RPS6KC1: variants seen among roughly 807,000 people sequenced by gnomAD.
RPS6KC1 encodes inactive ribosomal protein S6 kinase delta-1.
In RPS6KC1, 54 loss-of-function variants were observed where a neutral mutation model predicts 103.8. The observed-to-expected ratio is 0.52, with a 90% CI of 0.42 to 0.65. The LOEUF (loss-of-function observed/expected upper bound fraction) is 0.65. Among genes scored for constraint, RPS6KC1 ranks in the 30% least tolerant of loss-of-function variants. The pLI is 0.00. For synonymous variants in RPS6KC1, 439 were observed against 438.7 expected (o/e 1.00, Z -0.01); for missense variants, 1,151 against 1,253.8 (o/e 0.92, Z 1.24).
the RPS6KC1 span, among the ~76,000 whole-genome samples, chr1:213,782,224 AG>A: frequency 2.6e-5 from 4 of 152,194 alleles, no homozygotes; most frequent in Non-Finnish European, 5.9e-5. Context: ...AGGGGCAGAA[AG>A]GATGGACTAG....
At chr1:213,322,331 C>T in the RPS6KC1 span, among the ~76,000 whole-genome samples, 1 of 151,936 alleles carries the variant, frequency 6.6e-6, no homozygotes, top group Non-Finnish European at 1.5e-5. Context: ...TCAGGTAGGC[C>T]CAAGTGGGAG....
chr1:213,095,803 A>G (rs542529487), intron 3 of RPS6KC1, among the ~76,000 whole-genome samples: 16 of 152,318 alleles, frequency 1.1e-4, no homozygotes, highest in Admixed American at 3.9e-4. Context: ...AAGAAATACT[A>G]TATTGCTAAA....
chr1:213,392,213 G>T, the RPS6KC1 span, among the ~76,000 whole-genome samples: 1 of 152,094 alleles, frequency 6.6e-6, no homozygotes, highest in Non-Finnish European at 1.5e-5. Context: ...CAGCAGAACC[G>T]ATGGTCTGCT....
At chr1:213,310,770 T>C in the RPS6KC1 span, among the ~76,000 whole-genome samples, 2 of 152,180 alleles carry the variant, frequency 1.3e-5, no homozygotes, top group Non-Finnish European at 2.9e-5. Context: ...AATGAATAAA[T>C]TTTGTTATGT....
At chr1:213,285,466 G>C in the RPS6KC1 span, among the ~76,000 whole-genome samples, 7 of 152,154 alleles carry the variant, frequency 4.6e-5, no homozygotes, top group Non-Finnish European at 8.8e-5. Flanking sequence ...AAATGAGAAA[G>C]ACCTTAGCAT....
the RPS6KC1 span, among the ~76,000 whole-genome samples, chr1:213,557,773 G>A: frequency 6.6e-6 from 1 of 151,988 alleles, no homozygotes; most frequent in Non-Finnish European, 1.5e-5. Flanking sequence ...TTGTTCATGG[G>A]GCAGAGGACA....
the RPS6KC1 span, among the ~76,000 whole-genome samples, chr1:213,511,895 A>G: frequency 6.6e-6 from 1 of 152,102 alleles, no homozygotes; most frequent in Non-Finnish European, 1.5e-5. Context: ...TTTTATGTTC[A>G]GTCTCTCCAC....
intron 12 of RPS6KC1, among the ~76,000 whole-genome samples, chr1:213,246,786 G>A (rs1187771381): frequency 2.0e-5 from 3 of 152,002 alleles, no homozygotes; most frequent in Admixed American, 6.6e-5. Flanking sequence ...GTCTGAGGTG[G>A]GAGGATTGCT....
the RPS6KC1 span, among the ~76,000 whole-genome samples, chr1:213,578,984 T>G: frequency 6.6e-6 from 1 of 152,080 alleles, no homozygotes; most frequent in Non-Finnish European, 1.5e-5. Context: ...TACACAAATC[T>G]CATCTTGAAT....
At chr1:213,740,663 A>ACACATATATACATCTCAGATATACG in the RPS6KC1 span, among the ~76,000 whole-genome samples, 10 of 134,390 alleles carry the variant, frequency 7.4e-5, no homozygotes, top group African/African-American at 2.8e-4. Flanking sequence ...TCAGATATAT[A>ACACATATATACATCTCAGATATACG]TACACATATA....
At chr1:213,783,647 G>A in the RPS6KC1 span, among the ~76,000 whole-genome samples, 6 of 148,054 alleles carry the variant, frequency 4.1e-5, no homozygotes, top group Non-Finnish European at 7.4e-5. Flanking sequence ...GTCTTATCAA[G>A]GGATTTTTTT....
the RPS6KC1 span, among the ~76,000 whole-genome samples, chr1:213,714,835 C>A: frequency 6.6e-6 from 1 of 152,210 alleles, no homozygotes; most frequent in Non-Finnish European, 1.5e-5. Context: ...AGGAGGCCAA[C>A]AGTGCAGCCA....
the RPS6KC1 span, among the ~76,000 whole-genome samples, chr1:213,745,811 C>T: frequency 6.6e-6 from 1 of 152,156 alleles, no homozygotes; most frequent in Non-Finnish European, 1.5e-5. Context: ...TGGGAAGGCT[C>T]AGTGCTTTGA....
intron 12 of RPS6KC1, among the ~76,000 whole-genome samples, chr1:213,249,488 GT>G (rs1455315589): frequency 1.5e-4 from 23 of 152,178 alleles, no homozygotes; most frequent in African/African-American, 5.1e-4. Context: ...ATAGCCATGC[GT>G]GTAGCTCTCT....
the RPS6KC1 span, among the ~76,000 whole-genome samples, chr1:213,625,613 TG>T: frequency 6.6e-6 from 1 of 152,230 alleles, no homozygotes; most frequent in East Asian, 1.9e-4. Context: ...CGGTGTGTGA[TG>T]TTCCCCTTCC....
At chr1:213,463,408 CTTTCTA>C in the RPS6KC1 span, among the ~76,000 whole-genome samples, 1 of 152,144 alleles carries the variant, frequency 6.6e-6, no homozygotes, top group Admixed American at 6.5e-5. Flanking sequence ...TAAAATTAAA[CTTTCTA>C]TTTGAGATAA....
chr1:213,186,341 C>A (rs1468931931), intron 8 of RPS6KC1, among the ~76,000 whole-genome samples: 1 of 151,792 alleles, frequency 6.6e-6, no homozygotes, highest in East Asian at 1.9e-4. Flanking sequence ...TATAATTTTG[C>A]TGAATACAGT....
chr1:213,218,241 G>A (rs964457163), intron 8 of RPS6KC1, among the ~76,000 whole-genome samples: 6 of 151,992 alleles, frequency 3.9e-5, no homozygotes, highest in Non-Finnish European at 8.8e-5. Context: ...CAGACGGAGA[G>A]CCAAATCATG....
chr1:213,698,144 G>T, the RPS6KC1 span, among the ~76,000 whole-genome samples: 2 of 152,100 alleles, frequency 1.3e-5, no homozygotes, highest in Non-Finnish European at 2.9e-5. Flanking sequence ...CTTATGTTGT[G>T]TTTATCAGGA....
Sources: gnomAD v4.1 joint callset for allele counts (sites outside exome capture counted in the v4.1 genomes callset) on GRCh38, gnomAD v4.1.1 for gene constraint, MANE v1.5 for transcripts, NCBI Gene and HGNC (gene_info 2026-07-23, HGNC 2026-07-21) for gene names.